SORCS1: variants seen among roughly 807,000 people sequenced by gnomAD.
SORCS1 encodes sortilin related VPS10 domain containing receptor 1, also known as VPS10 domain-containing receptor SorCS1.
A neutral mutation model predicts 146.1 loss-of-function variants in SORCS1; 60 were observed. That is an observed-to-expected ratio of 0.41 (90% CI 0.33 to 0.51). The LOEUF (loss-of-function observed/expected upper bound fraction) is 0.51. Ranked by LOEUF, SORCS1 falls within the 20% of genes least tolerant of loss-of-function variation. The pLI, the probability that SORCS1 is intolerant of heterozygous loss-of-function variation, is 0.21. For missense variants in SORCS1, 1,352 were observed against 1,487.6 expected, an observed-to-expected ratio of 0.91 and a Z score of 1.50; for synonymous variants, 637 against 584.0, an observed-to-expected ratio of 1.09 and a Z score of -1.31.
At chr10:106,958,007 T>A (rs1955045481) in intron 1 of SORCS1, among the ~76,000 whole-genome samples, 1 of 152,164 alleles carries the variant, frequency 6.6e-6, no homozygotes, top group Non-Finnish European at 1.5e-5. Flanking sequence ...ATATACCCCT[T>A]CTCAGTCACA....
intron 1 of SORCS1, among the ~76,000 whole-genome samples, chr10:107,122,603 T>C (rs1229940275): frequency 6.6e-6 from 1 of 152,260 alleles, no homozygotes; most frequent in African/African-American, 2.4e-5. Context: ...AAATAGCTTT[T>C]TAAGTTAATT....
At chr10:106,919,933 C>G (rs1048791629) in intron 2 of SORCS1, among the ~76,000 whole-genome samples, 1 of 152,074 alleles carries the variant, frequency 6.6e-6, no homozygotes, top group Admixed American at 6.5e-5. Context: ...TCACAATATA[C>G]CTGATTGGTT....
At chr10:106,795,287 T>A (rs1321014608) in intron 3 of SORCS1, among the ~76,000 whole-genome samples, 1 of 152,102 alleles carries the variant, frequency 6.6e-6, no homozygotes, top group African/African-American at 2.4e-5. Context: ...AGTTGTTTTT[T>A]TTTGTTTGTT....
At chr10:106,749,857 A>T (rs1858019339) in intron 5 of SORCS1, among the ~76,000 whole-genome samples, 1 of 152,176 alleles carries the variant, frequency 6.6e-6, no homozygotes, top group Non-Finnish European at 1.5e-5. Context: ...TCTTATGAGG[A>T]CCATTTTACT....
At chr10:106,812,589 T>C (rs1417148085) in intron 3 of SORCS1, among the ~76,000 whole-genome samples, 1 of 152,228 alleles carries the variant, frequency 6.6e-6, no homozygotes, top group Non-Finnish European at 1.5e-5. Context: ...TCTATTAGTT[T>C]CTTTTATAAA....
rs377457258 is a variant in SORCS1, at chr10:106,577,496, C to T, written c.3431G>A (p.Arg1144Gln). 4.4e-5 allele frequency: 64 copies of T among 1,448,864 alleles called. No homozygotes were observed. The highest frequency in any genetic ancestry group is 6.8e-5 in the South Asian group (6 of 88,498). The allele number at this position is 1,448,864 out of a possible 1,614,324, so 89.8% of individuals were successfully genotyped here. A position where few individuals can be genotyped will look rare whatever the true frequency, so the allele number is the denominator to read the frequency against. The change falls in exon 26 of 26, where the codon CGA (arginine) becomes CAA (glutamine). Residue 1144 changes from arginine to glutamine, a missense_variant. Arg to Gln is a conservative substitution (Grantham distance 43). Around this residue, in one of 3 missense-constraint regions of SORCS1, gnomAD observed 214 missense variants for 204.8 expected, o/e 1.05. Transcript: ENST00000263054. ...PSTQPGDSSLRLQRARHATPP... is the reference protein window; with the variant it reads ...PSTQPGDSSLQLQRARHATPP... ...AGTGGCGTGTCTTGCTCTTTGCAATCGGAGAGATGAGTCACCAGGTTGAGT... is the reference window on the plus strand; with the variant it reads ...AGTGGCGTGTCTTGCTCTTTGCAATTGGAGAGATGAGTCACCAGGTTGAGT...
chr10:106,764,175 G>T (rs534807848), intron 4 of SORCS1, among the ~76,000 whole-genome samples: 1 of 152,296 alleles, frequency 6.6e-6, no homozygotes, highest in African/African-American at 2.4e-5. Flanking sequence ...AAACTCCCAA[G>T]GATTTGAAAG....
At chr10:106,624,593 T>C (rs575283486) in intron 19 of SORCS1, among the ~76,000 whole-genome samples, 2 of 152,064 alleles carry the variant, frequency 1.3e-5, no homozygotes, top group South Asian at 4.1e-4. Flanking sequence ...ATTTCCAATC[T>C]CAGGTGATCT....
Position 106,581,358 on chromosome 10 carries a change from C to T in SORCS1, c.3266-1884G>A, listed in dbSNP as rs185456391. The stretch of plus-strand genomic sequence containing the variant: ...ACACACACACACACACACACACACA[C>T]ACTTTCTATATACTCAATCCTGGGC... On this transcript the variant is annotated intron_variant, in intron 24 of 25. Coordinates refer to ENST00000263054, the MANE Select transcript of SORCS1 (RefSeq NM_052918.5). Among the ~76,000 whole-genome samples the T allele has an allele frequency of 8.0e-3, 1,207 of 150,504 alleles. 21 individuals are homozygous for T. Among genetic ancestry groups the T allele is most frequent in the African/African-American group, 0.028 (1,142 of 40,650 alleles).
chr10:107,083,109 A>AC (rs934191480), intron 1 of SORCS1, among the ~76,000 whole-genome samples: 4 of 124,132 alleles, frequency 3.2e-5, no homozygotes, highest in African/African-American at 1.3e-4. Flanking sequence ...ACTCCAACTC[A>AC]CAAAAAAAAA....
chr10:106,952,035 C>T lies in SORCS1; in HGVS notation c.626+4478G>A, dbSNP rs139579017. Among the ~76,000 whole-genome samples, 27 of 152,294 alleles carry T rather than the reference C, an allele frequency of 1.8e-4. No homozygotes were observed. In the East Asian group the frequency reaches 4.1e-3, roughly 23 times the overall value. On this transcript the variant is annotated intron_variant, in intron 2 of 25. Coordinates refer to ENST00000263054, the MANE Select transcript of SORCS1 (RefSeq NM_052918.5). ...AGAAGTAAAACTCACTAGCTCATTG[C>T]ATTCAGACAATGAGATGCCAGGCCT...
At chr10:106,691,780 T>C (rs1023793650) in intron 9 of SORCS1, among the ~76,000 whole-genome samples, 28 of 152,174 alleles carry the variant, frequency 1.8e-4, no homozygotes, top group Admixed American at 2.0e-4. Context: ...TCTCTGTTCT[T>C]TAATTTGTCT....
At chr10:107,061,313 T>A (rs888732854) in intron 1 of SORCS1, among the ~76,000 whole-genome samples, 1 of 152,158 alleles carries the variant, frequency 6.6e-6, no homozygotes, top group Non-Finnish European at 1.5e-5. Flanking sequence ...AACATTAGTA[T>A]GGTATCATAA....
At position 106,585,122 on chromosome 10, in the gene SORCS1, G is replaced by T. The variant is rs543117323; in HGVS notation, c.3266-5648C>A. ...ACCTGTAGTCCCAGCTACTCGGGAG[G>T]TTGAGGCAGGAGAATGGCATGAACC... On this transcript the variant is annotated intron_variant, in intron 24 of 25. Coordinates refer to ENST00000263054, the MANE Select transcript of SORCS1 (RefSeq NM_052918.5). Among the ~76,000 whole-genome samples, 17 of 152,066 alleles carry T rather than the reference G, an allele frequency of 1.1e-4. No homozygotes were observed. The East Asian group carries it at 2.1e-3, about 19-fold the overall frequency.
At chr10:106,759,959 C>T (rs1489356660) in intron 5 of SORCS1, among the ~76,000 whole-genome samples, 2 of 152,068 alleles carry the variant, frequency 1.3e-5, no homozygotes, top group Admixed American at 6.6e-5. Flanking sequence ...GCACAGCTAC[C>T]ATTTATGTAA....
At position 106,787,033 on chromosome 10, in the gene SORCS1, G is replaced by A. The variant is rs1208030025; in HGVS notation, c.727-10341C>T. 2.6e-5 allele frequency among the ~76,000 whole-genome samples: 4 copies of A among 152,046 alleles called. No individual in the cohort carries two copies. The East Asian group carries it at 7.7e-4, about 29-fold the overall frequency. On this transcript the variant is annotated intron_variant, in intron 3 of 25. Transcript: ENST00000263054. ...TAATTTCAGTGTGTGAATTTTCAGG[G>A]TACATAAATTACCCAGATTAAATTA... is the stretch of plus-strand genomic sequence containing the variant.
At chr10:107,091,370 A>C (rs1017725947) in intron 1 of SORCS1, among the ~76,000 whole-genome samples, 1 of 152,206 alleles carries the variant, frequency 6.6e-6, no homozygotes, top group Non-Finnish European at 1.5e-5. Flanking sequence ...CAGCCTTCTG[A>C]TGATAACAAT....
chr10:106,577,319 GA>G lies in SORCS1; in HGVS notation c.*100del, dbSNP rs3839910. 6.2e-7 allele frequency: 1 copy of G among 1,606,124 alleles called. No homozygotes were observed. The highest frequency in any genetic ancestry group is 8.5e-7 in the Non-Finnish European group (1 of 1,177,136). On this transcript the variant is annotated 3_prime_UTR_variant, in exon 26 of 26. Transcript: ENST00000263054. ...ATAGGAAACAGAACAACAAAGGAAAGAAAAAAAACACAAAGTTAGTGGTCAT... is the reference window on the plus strand; with the variant it reads ...ATAGGAAACAGAACAACAAAGGAAAGAAAAAAACACAAAGTTAGTGGTCAT...
intron 1 of SORCS1, among the ~76,000 whole-genome samples, chr10:107,024,767 T>C (rs1318117051): frequency 1.3e-5 from 2 of 152,202 alleles, no homozygotes; most frequent in African/African-American, 4.8e-5. Flanking sequence ...AAATCCCATA[T>C]ACTCTATCAC....
Sources: gnomAD v4.1 joint callset for allele counts (sites outside exome capture counted in the v4.1 genomes callset) on GRCh38, gnomAD v4.1.1 for gene constraint, gnomAD v4.1.1 regional missense constraint, MANE v1.5 for transcripts, NCBI Gene and HGNC (gene_info 2026-07-23, HGNC 2026-07-21) for gene names.